PPCS: variants seen among roughly 807,000 people sequenced by gnomAD.
PPCS encodes the protein phosphopantothenoylcysteine synthetase.
A neutral mutation model predicts 24.6 loss-of-function variants in PPCS; 17 were observed. The ratio of observed to expected loss-of-function variants is 0.69; its 90% confidence interval spans 0.47 to 1.04. The LOEUF (loss-of-function observed/expected upper bound fraction) is 1.04, where lower values mean the gene tolerates loss of function less well. Among genes scored for constraint, PPCS ranks in the 50% least tolerant of loss-of-function variants. PPCS has a pLI of 0.00. For synonymous variants in PPCS, 190 were observed against 168.3 expected, an observed-to-expected ratio of 1.13 and a Z score of -1.00; for missense variants, 360 against 402.8, an observed-to-expected ratio of 0.89 and a Z score of 0.91.
intron 2 of PPCS, chr1:42,459,109 T>C (rs994361661): frequency 1.3e-5 from 2 of 152,306 alleles, no homozygotes; most frequent in African/African-American, 2.4e-5. Context: ...AGAATATGTA[T>C]GGAGCCTTGA....
At chr1:42,466,382 T>A (rs1026459328) in intron 2 of PPCS, among the ~76,000 whole-genome samples, 3 of 152,164 alleles carry the variant, frequency 2.0e-5, no homozygotes, top group Non-Finnish European at 4.4e-5. Context: ...CGTTTAAAAT[T>A]CTTTGTCTCA....
chr1:42,465,747 T>C (rs543827211), downstream of PPCS, among the ~76,000 whole-genome samples: 1 of 152,322 alleles, frequency 6.6e-6, no homozygotes, highest in African/African-American at 2.4e-5. Context: ...GCATTTTTAG[T>C]TGTCACAACT....
intron 2 of PPCS, chr1:42,473,064 C>A (rs910775989): frequency 3.3e-6 from 4 of 1,218,176 alleles, no homozygotes; most frequent in Non-Finnish European, 4.1e-6. Flanking sequence ...AGATATCTTG[C>A]ATCCTCAGTT....
At position 42,456,596 on chromosome 1, in the gene PPCS, C is replaced by A; in HGVS notation, c.31C>A (p.Pro11Thr). 1 of 1,509,220 alleles carries A rather than the reference C, an allele frequency of 6.6e-7. No homozygotes were observed. 93.5% of individuals were successfully genotyped at this position (1,509,220 alleles called of 1,614,324 possible). The change falls in exon 1 of 3, where the codon CCC becomes ACC. Residue 11 changes from proline to threonine, a missense_variant. Physicochemically the swap from Pro to Thr is conservative, Grantham distance 38. Around this residue, in one of 2 missense-constraint regions of PPCS, gnomAD observed 244 missense variants for 234.7 expected, o/e 1.04. Coordinates refer to ENST00000372561, the MANE Select transcript of PPCS (RefSeq NM_024664.4). ...GGAAATGGATCCGGTAGCCGAGTTC[C>A]CCCAGCCTCCCGGTGCTGCGCGCTG... is the stretch of plus-strand genomic sequence containing the variant. MAEMDPVAEF[P>T]QPPGAARWAE...
Position 42,456,838 on chromosome 1 carries a change from C to T in PPCS, c.273C>T (p.Pro91=), listed in dbSNP as rs1370533410. ...TGTATCGCGCTCGCTCTGCCTTCCC[C>T]TATGCCCACCGCTTCCCACCCCAGA... ...LFLYRARSAF[P]YAHRFPPQTW... The change falls in exon 1 of 3, where the codon CCC becomes CCT. Residue 91 remains proline, a synonymous_variant. Coordinates refer to ENST00000372561, the MANE Select transcript of PPCS (RefSeq NM_024664.4). 6.2e-7 allele frequency: 1 copy of T among 1,613,540 alleles called. No individual in the cohort carries two copies. The highest frequency in any genetic ancestry group is 1.1e-5 in the South Asian group (1 of 91,090).
downstream of PPCS, chr1:42,463,996 A>C (rs1166383251): frequency 6.6e-6 from 1 of 152,108 alleles, no homozygotes; most frequent in Non-Finnish European, 1.5e-5. Flanking sequence ...AGCCATTTTA[A>C]CTTTTCCCTG....
intron 2 of PPCS, among the ~76,000 whole-genome samples, chr1:42,457,955 C>CAAAA (rs547006454): frequency 2.0e-5 from 2 of 101,112 alleles, no homozygotes; most frequent in South Asian, 2.9e-4. Flanking sequence ...TACTCCGTCG[C>CAAAA]AAAAAAAAAA....
chr1:42,459,937 C>A lies in PPCS; in HGVS notation c.*11C>A. On this transcript the variant is annotated 3_prime_UTR_variant, in exon 3 of 3. Coordinates refer to ENST00000372561, the MANE Select transcript of PPCS (RefSeq NM_024664.4). ...GGTGACAGAAACTGAAGTAAAAAGC[C>A]CTTATAGGATCAAAAATTGTTCAGG... 2 of 1,576,104 alleles carry A rather than the reference C, an allele frequency of 1.3e-6. No homozygotes were observed. The highest frequency in any genetic ancestry group is 1.7e-6 in the Non-Finnish European group (2 of 1,164,002).
rs902956193 is a variant in PPCS, at chr1:42,460,294, A to G, written c.*368A>G. 1.4e-5 allele frequency: 14 copies of G among 1,006,406 alleles called. No individual in the cohort carries two copies. In the African/African-American group the frequency reaches 2.2e-4, roughly 16 times the overall value. The allele number at this position is 1,006,406 out of a possible 1,614,324, so 62.3% of individuals were successfully genotyped here. On this transcript the variant is annotated 3_prime_UTR_variant, in exon 3 of 3. Transcript: ENST00000372561. ...TATTGGTTGAATGCCTATGTATGTC[A>G]GGCCCTGTGCTGAGCCATGAGGATT...
intron 2 of PPCS, 78 bp downstream of exon 2, chr1:42,457,428 C>T (rs1569602710): frequency 7.9e-7 from 1 of 1,259,172 alleles, no homozygotes; most frequent in Non-Finnish European, 1.2e-6. Flanking sequence ...CTGGAGATGG[C>T]CTTTCTGCAT....
Position 42,456,618 on chromosome 1 carries a change from G to T in PPCS, c.53G>T (p.Arg18Leu). The change falls in exon 1 of 3, where the codon CGC (arginine) becomes CTC (leucine). Residue 18 changes from arginine (R) to leucine (L), a missense_variant. Transcript: ENST00000372561. ...TTCCCCCAGCCTCCCGGTGCTGCGC[G>T]CTGGGCTGAGGTTATGGCTCGCTTC... ...AEFPQPPGAA[R>L]WAEVMARFAA... 6.4e-7 allele frequency: 1 copy of T among 1,551,524 alleles called. No homozygotes were observed. Among genetic ancestry groups the T allele is most frequent in the Non-Finnish European group, 8.7e-7 (1 of 1,152,964 alleles).
rs745779231 is a variant in PPCS at position 42,460,106 on chromosome 1, G to T, written c.*180G>T. ...ATGACACCTGATATGATGTCATTTT[G>T]ATTTTGAAATTGAACACTAGAACTG... On this transcript the variant is annotated 3_prime_UTR_variant, in exon 3 of 3. Coordinates refer to ENST00000372561, the MANE Select transcript of PPCS (RefSeq NM_024664.4). 1 of 1,359,388 alleles carries T rather than the reference G, an allele frequency of 7.4e-7. No individual in the cohort carries two copies. The highest frequency in any genetic ancestry group is 9.4e-7 in the Non-Finnish European group (1 of 1,060,766). 84.2% of individuals were successfully genotyped at this position (1,359,388 alleles called of 1,614,324 possible). A position where few individuals can be genotyped will look rare whatever the true frequency, so the allele number is the denominator to read the frequency against.
Position 42,456,688 on chromosome 1 carries a change from G to A in PPCS, c.123G>A (p.Thr41=). 1 of 1,606,452 alleles carries A rather than the reference G, an allele frequency of 6.2e-7. No homozygotes were observed. Among genetic ancestry groups the A allele is most frequent in the Non-Finnish European group, 8.5e-7 (1 of 1,178,694 alleles). Residue 41 remains threonine, a synonymous_variant, in exon 1 of 3, where the codon ACG becomes ACA. Coordinates refer to ENST00000372561, the MANE Select transcript of PPCS (RefSeq NM_024664.4). ...GAQGRRVVLV[T]SGGTKVPLEA... is the part of the protein sequence containing the mutation. ...AGGGCCGGCGGGTGGTGTTGGTTAC[G>A]TCAGGCGGCACCAAGGTCCCACTGG...
At chr1:42,466,530 G>GT (rs1295809222) in intron 2 of PPCS, among the ~76,000 whole-genome samples, 1 of 150,142 alleles carries the variant, frequency 6.7e-6, no homozygotes, top group South Asian at 2.1e-4. Flanking sequence ...GGACAGAATA[G>GT]TTTTTTTGTT....
At chr1:42,457,574 A>G (rs1361973074) in intron 2 of PPCS, 1 of 571,072 alleles carries the variant, frequency 1.8e-6, no homozygotes, top group Non-Finnish European at 3.1e-6. Context: ...GGAGGTATGT[A>G]CAAAGTGCAG....
chr1:42,470,601 G>T (rs1643738115), intron 2 of PPCS, among the ~76,000 whole-genome samples: 1 of 152,184 alleles, frequency 6.6e-6, no homozygotes, highest in Non-Finnish European at 1.5e-5. Context: ...AATGTGCTAT[G>T]TACATACAAT....
chr1:42,465,345 T>G (rs1643538495), downstream of PPCS, among the ~76,000 whole-genome samples: 1 of 151,990 alleles, frequency 6.6e-6, no homozygotes, highest in African/African-American at 2.4e-5. Flanking sequence ...TAGGACAGTT[T>G]TTTTTGTTTT....
chr1:42,472,830 A>G (rs143179516), intron 2 of PPCS, among the ~76,000 whole-genome samples: 7 of 152,316 alleles, frequency 4.6e-5, no homozygotes, highest in African/African-American at 1.7e-4. Flanking sequence ...CTCTAGTCAT[A>G]TATACATAGA....
intron 2 of PPCS, among the ~76,000 whole-genome samples, chr1:42,471,291 C>G (rs1034728275): frequency 6.6e-6 from 1 of 152,128 alleles, no homozygotes; most frequent in African/African-American, 2.4e-5. Context: ...CCTTAGACTC[C>G]CCTACTCCAC....
Sources: allele counts gnomAD v4.1 joint callset (sites outside exome capture counted in the v4.1 genomes callset), GRCh38; gene constraint gnomAD v4.1.1; regional missense constraint gnomAD v4.1.1; transcripts MANE v1.5; gene names NCBI Gene and HGNC (gene_info 2026-07-23, HGNC 2026-07-21).